HRCT1: variants seen among roughly 807,000 people sequenced by gnomAD.
HRCT1 encodes the protein histidine rich carboxyl terminus 1.
For synonymous variants in HRCT1, 76 were observed against 69.0 expected (o/e 1.10, Z -0.50); for missense variants, 185 against 161.3 (o/e 1.15, Z -0.80).
Position 35,906,262 on chromosome 9 carries a change from G to T in HRCT1, c.-26G>T. The T allele has an allele frequency of 6.4e-7, 1 of 1,574,006 alleles. No individual in the cohort carries two copies. Among genetic ancestry groups the T allele is most frequent in the African/African-American group, 1.3e-5 (1 of 74,538 alleles). On this transcript the variant is annotated 5_prime_UTR_variant, in exon 1 of 1. Transcript: ENST00000354323. ...GGAGAAAGGAGTGAGGAGCTGCTGG[G>T]CAGAGAGGGACTGTCCGGCTCCCAG...
rs1268425988 is a variant in HRCT1, at chr9:35,906,589, A to ACCACCACCACCACCCCCACCG, written c.309_329dup (p.His104_His110dup). ...CCCCGCCACACCCCTCACCACCTCC[A>ACCACCACCACCACCCCCACCG]CCACCACCACCACCCCCACCGCCAC... On this transcript the variant is annotated inframe_insertion, in exon 1 of 1. Transcript: ENST00000354323. The ACCACCACCACCACCCCCACCG allele has an allele frequency of 2.6e-5, 27 of 1,020,728 alleles. No homozygotes were observed. In the South Asian group the frequency reaches 5.2e-4, roughly 20 times the overall value. The allele number at this position is 1,020,728 out of a possible 1,614,324, so 63.2% of individuals were successfully genotyped here.
Position 35,906,522 on chromosome 9 carries a change from G to C in HRCT1, c.235G>C (p.Val79Leu), listed in dbSNP as rs79284865. 152 of 1,567,072 alleles carry C rather than the reference G, an allele frequency of 9.7e-5. No homozygotes were observed. The highest frequency in any genetic ancestry group is 1.2e-4 in the Non-Finnish European group (141 of 1,158,002). The change falls in exon 1 of 1, where the codon GTA becomes CTA. Residue 79 changes from valine to leucine, a missense_variant. Transcript: ENST00000354323. ...IFHHHRHPGHVSHVPNVGLHH... is the reference protein window; with the variant it reads ...IFHHHRHPGHLSHVPNVGLHH... ...TCACCATCACCGTCATCCTGGCCAC[G>C]TATCTCATGTGCCGAATGTGGGCCT...
At position 35,906,940 on chromosome 9, in the gene HRCT1, G is replaced by A; in HGVS notation, c.*305G>A. 1 of 455,732 alleles carries A rather than the reference G, an allele frequency of 2.2e-6. No homozygotes were observed. The highest frequency in any genetic ancestry group is 4.1e-6 in the Non-Finnish European group (1 of 243,064). The allele number at this position is 455,732 out of a possible 1,614,324, so 28.2% of individuals were successfully genotyped here. A position where few individuals can be genotyped will look rare whatever the true frequency, so the allele number is the denominator to read the frequency against. On this transcript the variant is annotated 3_prime_UTR_variant, in exon 1 of 1. Transcript: ENST00000354323. Reference sequence around the variant, plus strand: ...TCCCAGTGAGCCCCAGAAATGACAAGCGTGTCTTGGCAGAGCCAGCACACA... The same window carrying A: ...TCCCAGTGAGCCCCAGAAATGACAAACGTGTCTTGGCAGAGCCAGCACACA...
chr9:35,906,767 C>A lies in HRCT1; in HGVS notation c.*132C>A. 1 of 1,271,186 alleles carries A rather than the reference C, an allele frequency of 7.9e-7. No homozygotes were observed. The highest frequency in any genetic ancestry group is 1.1e-6 in the Non-Finnish European group (1 of 925,574). The allele number at this position is 1,271,186 out of a possible 1,614,324, so 78.7% of individuals were successfully genotyped here. A position where few individuals can be genotyped will look rare whatever the true frequency, so the allele number is the denominator to read the frequency against. ...GAACGAGGGGAACAATAGACTGGGGCTTGCTCCAGCTGCATTTGCATGGCA... is the reference window on the plus strand; with the variant it reads ...GAACGAGGGGAACAATAGACTGGGGATTGCTCCAGCTGCATTTGCATGGCA... On this transcript the variant is annotated 3_prime_UTR_variant, in exon 1 of 1. Coordinates refer to ENST00000354323, the MANE Select transcript of HRCT1 (RefSeq NM_001039792.2).
In HRCT1 at chr9:35,906,312, G is replaced by A. The variant is rs772508699; in HGVS notation, c.25G>A (p.Ala9Thr). 17 of 1,609,006 alleles carry A rather than the reference G, an allele frequency of 1.1e-5. No individual in the cohort carries two copies. In the Admixed American group the frequency reaches 2.5e-4, roughly 24 times the overall value. The change falls in exon 1 of 1, where the codon GCC becomes ACC. Residue 9 changes from alanine (A) to threonine (T), a missense_variant. Coordinates refer to ENST00000354323, the MANE Select transcript of HRCT1 (RefSeq NM_001039792.2). MLGLLGST[A>T]LVGWITGAAV... is the part of the protein sequence containing the mutation. ...GATGCTGGGCCTCCTGGGGAGCACA[G>A]CCCTCGTGGGATGGATCACAGGTGC...
chr9:35,906,538 A>C lies in HRCT1; in HGVS notation c.251A>C (p.Asn84Thr), dbSNP rs369815979. 4.5e-5 allele frequency: 72 copies of C among 1,595,958 alleles called. No homozygotes were observed. The African/African-American group carries it at 7.5e-4, about 17-fold the overall frequency. Residue 84 changes from asparagine to threonine, a missense_variant, in exon 1 of 1, where the codon AAT (asparagine) becomes ACT (threonine). By Grantham distance (65) the Asn-to-Thr change is moderately conservative (BLOSUM62 0). Coordinates refer to ENST00000354323, the MANE Select transcript of HRCT1 (RefSeq NM_001039792.2). ...CCTGGCCACGTATCTCATGTGCCGA[A>C]TGTGGGCCTCCACCACCACCACCAC... Reference protein sequence around the residue: ...RHPGHVSHVPNVGLHHHHHPR... With the variant: ...RHPGHVSHVPTVGLHHHHHPR...
rs1554690885 is a variant in HRCT1 at position 35,906,586 on chromosome 9, T to TCCACCACCACCCCCACCA, written c.310_311insCCCACCACCACCACCACC (p.His103_His104insProHisHisHisHisHis). ...CACCCCCGCCACACCCCTCACCACC[T>TCCACCACCACCCCCACCA]CCACCACCACCACCACCCCCACCGC... is the stretch of plus-strand genomic sequence containing the variant. On this transcript the variant is annotated inframe_insertion, in exon 1 of 1. Transcript: ENST00000354323. 8.5e-7 allele frequency: 1 copy of TCCACCACCACCCCCACCA among 1,175,936 alleles called. No homozygotes were observed. Among genetic ancestry groups the TCCACCACCACCCCCACCA allele is most frequent in the African/African-American group, 2.6e-5 (1 of 38,912 alleles). The allele number at this position is 1,175,936 out of a possible 1,614,324, so 72.8% of individuals were successfully genotyped here.
In HRCT1 at chr9:35,906,598, A is replaced by ACCCCCACCACCC; in HGVS notation, c.313_314insCCCACCACCCCC (p.His104_His105insProHisHisPro). On this transcript the variant is annotated inframe_insertion, in exon 1 of 1. Coordinates refer to ENST00000354323, the MANE Select transcript of HRCT1 (RefSeq NM_001039792.2). ...ACCCCTCACCACCTCCACCACCACC[A>ACCCCCACCACCC]CCACCCCCACCGCCACCATCCCCGC... is the stretch of plus-strand genomic sequence containing the variant. The ACCCCCACCACCC allele has an allele frequency of 1.7e-6, 2 of 1,194,688 alleles. No homozygotes were observed. The highest frequency in any genetic ancestry group is 1.1e-6 in the Non-Finnish European group (1 of 910,636). 74.0% of individuals were successfully genotyped at this position (1,194,688 alleles called of 1,614,324 possible).
Position 35,906,389 on chromosome 9 carries a change from C to T in HRCT1, c.102C>T (p.His34=), listed in dbSNP as rs140023298. 221 of 1,612,458 alleles carry T rather than the reference C, an allele frequency of 1.4e-4. No homozygotes were observed. The African/African-American group carries it at 2.0e-3, about 15-fold the overall frequency. The stretch of plus-strand genomic sequence containing the variant: ...TGCTGCTGGCCACCTGCCTTTTCCA[C>T]GGACGGCAGGACTGTGACGTGGAGA... ...LLLLLATCLF[H]GRQDCDVERN... The change falls in exon 1 of 1, where the codon CAC becomes CAT. Residue 34 remains histidine (H), a synonymous_variant. Transcript: ENST00000354323.
rs769384446 is a variant in HRCT1, at chr9:35,906,394, G to C, written c.107G>C (p.Arg36Pro). The change falls in exon 1 of 1, where the codon CGG (arginine) becomes CCG (proline). Residue 36 changes from arginine (R) to proline (P), a missense_variant. Arg to Pro is a moderately radical substitution (Grantham distance 103). Transcript: ENST00000354323. ...CTGGCCACCTGCCTTTTCCACGGAC[G>C]GCAGGACTGTGACGTGGAGAGGAAC... The part of the protein sequence containing the change: ...LLLATCLFHG[R>P]QDCDVERNRT... 6.2e-7 allele frequency: 1 copy of C among 1,612,402 alleles called. No individual in the cohort carries two copies. Among genetic ancestry groups the C allele is most frequent in the African/African-American group, 1.3e-5 (1 of 74,908 alleles).
In HRCT1 at chr9:35,906,762, T is replaced by G; in HGVS notation, c.*127T>G. ...GGGGTGAACGAGGGGAACAATAGAC[T>G]GGGGCTTGCTCCAGCTGCATTTGCA... is the stretch of plus-strand genomic sequence containing the variant. On this transcript the variant is annotated 3_prime_UTR_variant, in exon 1 of 1. Transcript: ENST00000354323. 7.5e-7 allele frequency: 1 copy of G among 1,326,336 alleles called. No individual in the cohort carries two copies. Among genetic ancestry groups the G allele is most frequent in the Non-Finnish European group, 1.0e-6 (1 of 972,806 alleles). The allele number at this position is 1,326,336 out of a possible 1,614,324, so 82.2% of individuals were successfully genotyped here. A position where few individuals can be genotyped will look rare whatever the true frequency, so the allele number is the denominator to read the frequency against.
Position 35,906,607 on chromosome 9 carries a change from A to ACCACCACCCCCACCACCCCCC in HRCT1, c.322_323insACCACCCCCACCACCCCCCCC (p.His107_Arg108insHisHisProHisHisProPro), listed in dbSNP as rs1554690929. 1.0e-6 allele frequency: 1 copy of ACCACCACCCCCACCACCCCCC among 997,412 alleles called. No individual in the cohort carries two copies. Among genetic ancestry groups the ACCACCACCCCCACCACCCCCC allele is most frequent in the African/African-American group, 3.9e-5 (1 of 25,706 alleles). 61.8% of individuals were successfully genotyped at this position (997,412 alleles called of 1,614,324 possible). ...CACCTCCACCACCACCACCACCCCC[A>ACCACCACCCCCACCACCCCCC]CCGCCACCATCCCCGCCACGCTCGC... On this transcript the variant is annotated inframe_insertion, in exon 1 of 1. Coordinates refer to ENST00000354323, the MANE Select transcript of HRCT1 (RefSeq NM_001039792.2).
the HRCT1 span, chr9:35,906,586 T>TCA: frequency 3.8e-5 from 45 of 1,189,874 alleles, no homozygotes; most frequent in South Asian, 1.0e-4. Flanking sequence ...CCTCACCACC[T>TCA]CCACCACCAC....
rs1208350499 is a variant in HRCT1, at chr9:35,906,353, G to C, written c.66G>C (p.Leu22=). Reference sequence around the variant, plus strand: ...TCACAGGTGCTGCTGTGGCGGTCCTGCTGCTGCTGCTGCTGCTGGCCACCT... The same window carrying C: ...TCACAGGTGCTGCTGTGGCGGTCCTCCTGCTGCTGCTGCTGCTGGCCACCT... ...GWITGAAVAV[L]LLLLLLATCL... Residue 22 remains leucine, a synonymous_variant, in exon 1 of 1, where the codon CTG becomes CTC. Coordinates refer to ENST00000354323, the MANE Select transcript of HRCT1 (RefSeq NM_001039792.2). 1 of 1,033,342 alleles carries C rather than the reference G, an allele frequency of 9.7e-7. No individual in the cohort carries two copies. The highest frequency in any genetic ancestry group is 1.3e-6 in the Non-Finnish European group (1 of 787,078). 64.0% of individuals were successfully genotyped at this position (1,033,342 alleles called of 1,614,324 possible). A position where few individuals can be genotyped will look rare whatever the true frequency, so the allele number is the denominator to read the frequency against.
rs1554690916 is a variant in HRCT1 at position 35,906,598 on chromosome 9, A to ACCACCTCCACCACCACCC, written c.316_317insTCCACCACCACCCCCACC (p.His105_Pro106insLeuHisHisHisProHis). 24 of 1,195,460 alleles carry ACCACCTCCACCACCACCC rather than the reference A, an allele frequency of 2.0e-5. No homozygotes were observed. The highest frequency in any genetic ancestry group is 2.4e-5 in the Non-Finnish European group (22 of 910,884). 74.1% of individuals were successfully genotyped at this position (1,195,460 alleles called of 1,614,324 possible). ...ACCCCTCACCACCTCCACCACCACC[A>ACCACCTCCACCACCACCC]CCACCCCCACCGCCACCATCCCCGC... On this transcript the variant is annotated inframe_insertion, in exon 1 of 1. Transcript: ENST00000354323.
rs561611798 is a variant in HRCT1, at chr9:35,906,317, C to T, written c.30C>T (p.Leu10=). Residue 10 remains leucine, a synonymous_variant, in exon 1 of 1, where the codon CTC becomes CTT. Coordinates refer to ENST00000354323, the MANE Select transcript of HRCT1 (RefSeq NM_001039792.2). ...TGGGCCTCCTGGGGAGCACAGCCCT[C>T]GTGGGATGGATCACAGGTGCTGCTG... MLGLLGSTA[L]VGWITGAAVA... is the part of the protein sequence containing the mutation. 31 of 1,610,106 alleles carry T rather than the reference C, an allele frequency of 1.9e-5. No homozygotes were observed. Among genetic ancestry groups the T allele is most frequent in the African/African-American group, 6.7e-5 (5 of 75,034 alleles).
Position 35,906,973 on chromosome 9 carries a change from G to T in HRCT1, c.*338G>T. The T allele has an allele frequency of 2.5e-6, 1 of 401,868 alleles. No individual in the cohort carries two copies. The allele number at this position is 401,868 out of a possible 1,614,324, so 24.9% of individuals were successfully genotyped here. On this transcript the variant is annotated 3_prime_UTR_variant, in exon 1 of 1. Transcript: ENST00000354323. ...TGGCAGAGCCAGCACACAAGTGGATGTGAAGTGCCCGTCTTGACCTCCTCA... is the reference window on the plus strand; with the variant it reads ...TGGCAGAGCCAGCACACAAGTGGATTTGAAGTGCCCGTCTTGACCTCCTCA...
chr9:35,906,576 CCT>C, the HRCT1 span: 3 of 1,566,890 alleles, frequency 1.9e-6, no homozygotes, highest in Non-Finnish European at 1.7e-6. Context: ...CCGCCACACC[CCT>C]CACCACCTCC....
chr9:35,906,486 C>T lies in HRCT1; in HGVS notation c.199C>T (p.Leu67=). 1 of 1,607,728 alleles carries T rather than the reference C, an allele frequency of 6.2e-7. No individual in the cohort carries two copies. Among genetic ancestry groups the T allele is most frequent in the Non-Finnish European group, 8.5e-7 (1 of 1,176,866 alleles). ...QPWPFRRRGH[L]GIFHHHRHPG... ...TTGGCCCTTCCGGCGGCGGGGCCAC[C>T]TGGGAATCTTTCACCATCACCGTCA... Residue 67 remains leucine (L), a synonymous_variant, in exon 1 of 1, where the codon CTG becomes TTG. Transcript: ENST00000354323.
Sources: allele counts gnomAD v4.1 joint callset, GRCh38; gene constraint gnomAD v4.1.1; transcripts MANE v1.5; gene names NCBI Gene and HGNC (gene_info 2026-07-23, HGNC 2026-07-21).